SRGAP3: variants seen among roughly 807,000 people sequenced by gnomAD.
SRGAP3 encodes SLIT-ROBO Rho GTPase activating protein 3.
In SRGAP3, 39 loss-of-function variants were observed where a neutral mutation model predicts 121.1. The observed-to-expected ratio is 0.32, with a 90% CI of 0.25 to 0.42. The LOEUF (loss-of-function observed/expected upper bound fraction) is 0.42, where lower values mean the gene tolerates loss of function less well. Ranked by LOEUF, SRGAP3 falls within the 10% of genes least tolerant of loss-of-function variation. The probability of loss-of-function intolerance (pLI) is 1.00; values close to 1 mark genes in which losing one functional copy is unlikely to be tolerated. For synonymous variants in SRGAP3, 601 were observed against 570.0 expected (o/e 1.05, Z -0.77); for missense variants, 1,213 against 1,470.6 (o/e 0.82, Z 2.86).
chr3:9,339,939 A>G (rs1208272340), intron 1 of SRGAP3, among the ~76,000 whole-genome samples: 1 of 152,206 alleles, frequency 6.6e-6, no homozygotes, highest in African/African-American at 2.4e-5. Flanking sequence ...CTGGAGTGAC[A>G]GGATCATTAT....
At chr3:9,049,518 C>T (rs769476832) in intron 9 of SRGAP3, 42 of 455,870 alleles carry the variant, frequency 9.2e-5, no homozygotes, top group Non-Finnish European at 3.5e-5. Flanking sequence ...TCACTGGGTA[C>T]CTCGGGCAGA....
intron 3 of SRGAP3, among the ~76,000 whole-genome samples, chr3:9,258,321 A>C (rs1194793674): frequency 6.6e-6 from 1 of 152,180 alleles, no homozygotes; most frequent in Non-Finnish European, 1.5e-5. Context: ...AGGGAACTGC[A>C]TGAGCCAAGG....
chr3:9,225,850 C>T (rs1042411834), intron 1 of SRGAP3, among the ~76,000 whole-genome samples: 4 of 152,216 alleles, frequency 2.6e-5, no homozygotes, highest in Admixed American at 1.3e-4. Flanking sequence ...GAAGGGCAAT[C>T]GGTGCTCATC....
chr3:9,173,157 A>C (rs1336619387), intron 1 of SRGAP3, among the ~76,000 whole-genome samples: 1 of 152,152 alleles, frequency 6.6e-6, no homozygotes, highest in Non-Finnish European at 1.5e-5. Context: ...GGCGCTTCCC[A>C]CACTCCCTGC....
chr3:9,157,523 A>G (rs916294484), intron 1 of SRGAP3, among the ~76,000 whole-genome samples: 1 of 152,244 alleles, frequency 6.6e-6, no homozygotes, highest in African/African-American at 2.4e-5. Context: ...GGTACTGTCT[A>G]AGCACTTTAC....
intron 3 of SRGAP3, among the ~76,000 whole-genome samples, chr3:9,267,854 G>A (rs905776548): frequency 6.6e-6 from 1 of 152,168 alleles, no homozygotes; most frequent in Non-Finnish European, 1.5e-5. Context: ...CCCCAACAAG[G>A]TGCCGTTTTC....
intron 1 of SRGAP3, among the ~76,000 whole-genome samples, chr3:9,208,634 T>C (rs1952343778): frequency 6.6e-6 from 1 of 152,188 alleles, no homozygotes; most frequent in Non-Finnish European, 1.5e-5. Flanking sequence ...CTGGGGATCT[T>C]GTCCTTTTCT....
At chr3:9,336,107 A>G (rs1032890525) in intron 1 of SRGAP3, among the ~76,000 whole-genome samples, 5 of 152,072 alleles carry the variant, frequency 3.3e-5, no homozygotes, top group Admixed American at 1.3e-4. Flanking sequence ...TTGAACTTCA[A>G]ATATACCAGT....
In SRGAP3 at chr3:8,985,331, G is replaced by A. The variant is rs1941620784; in HGVS notation, c.*188C>T. On this transcript the variant is annotated 3_prime_UTR_variant, in exon 22 of 22. Transcript: ENST00000383836. This position sits in a 1 kb window ranked among gnomAD's most constrained non-coding sequence, Gnocchi z 5.1. Reference sequence around the variant, plus strand: ...TCGTCTGTTGACACGCGAGAGGTCCGTGGGATTCCCATGGCTGGACGTGAG... The same window carrying A: ...TCGTCTGTTGACACGCGAGAGGTCCATGGGATTCCCATGGCTGGACGTGAG... 1 of 1,291,410 alleles carries A rather than the reference G, an allele frequency of 7.7e-7. No individual in the cohort carries two copies. The highest frequency in any genetic ancestry group is 3.1e-5 in the Admixed American group (1 of 32,542). 80.0% of individuals were successfully genotyped at this position (1,291,410 alleles called of 1,614,324 possible).
At chr3:9,340,673 T>C (rs937938121) in intron 1 of SRGAP3, among the ~76,000 whole-genome samples, 2 of 152,196 alleles carry the variant, frequency 1.3e-5, no homozygotes, top group Non-Finnish European at 2.9e-5. Context: ...GTTTTTTTAC[T>C]TGCTGGGAAG....
rs780292667 is a variant in SRGAP3, at chr3:9,302,665, T to C, written n.442+23345A>G. Among the ~76,000 whole-genome samples the C allele has an allele frequency of 2.6e-5, 4 of 152,194 alleles. No homozygotes were observed. In the East Asian group the frequency reaches 5.8e-4, roughly 22 times the overall value. Reference sequence around the variant, plus strand: ...AGAGCTTAGACACGCTCAAAACCCCTGCTGGCTGTAGAACGCCAGGTTCTT... The same window carrying C: ...AGAGCTTAGACACGCTCAAAACCCCCGCTGGCTGTAGAACGCCAGGTTCTT... On this transcript the variant is annotated intron_variant and non_coding_transcript_variant, in intron 3 of 3. Coordinates refer to the SRGAP3 transcript ENST00000490889.
intron 3 of SRGAP3, among the ~76,000 whole-genome samples, chr3:9,096,937 G>GTGTGTATA (rs1186683940): frequency 1.6e-5 from 1 of 61,300 alleles, no homozygotes; most frequent in African/African-American, 4.7e-5. Flanking sequence ...ACATTATTTT[G>GTGTGTATA]TATATATATA....
At chr3:9,339,306 C>T (rs1955743441) in intron 1 of SRGAP3, among the ~76,000 whole-genome samples, 2 of 152,216 alleles carry the variant, frequency 1.3e-5, no homozygotes. Flanking sequence ...GTCTTGAGCA[C>T]TCTCACAGTG....
At chr3:9,353,623 C>G (rs192748271) in intron 1 of SRGAP3, among the ~76,000 whole-genome samples, 3 of 152,332 alleles carry the variant, frequency 2.0e-5, no homozygotes, top group Admixed American at 6.5e-5. Context: ...AGTAAATAAG[C>G]CTCTGCTTGC....
intron 1 of SRGAP3, among the ~76,000 whole-genome samples, chr3:9,354,793 A>G (rs918479333): frequency 2.0e-5 from 3 of 152,102 alleles, no homozygotes; most frequent in South Asian, 2.1e-4. Context: ...TTGTGTCACT[A>G]TATCTGATAT....
At chr3:9,199,182 T>G (rs2125153415) in intron 1 of SRGAP3, among the ~76,000 whole-genome samples, 1 of 152,306 alleles carries the variant, frequency 6.6e-6, no homozygotes, top group East Asian at 1.9e-4. Flanking sequence ...CAGAGTTACT[T>G]AATTCTGCAT....
At chr3:9,137,116 GT>G (rs1949693391) in intron 1 of SRGAP3, among the ~76,000 whole-genome samples, 1 of 152,160 alleles carries the variant, frequency 6.6e-6, no homozygotes, top group Non-Finnish European at 1.5e-5. Context: ...CCACAGAGAG[GT>G]GAAATGACAT....
intron 1 of SRGAP3, among the ~76,000 whole-genome samples, chr3:9,207,332 G>A (rs1018411584): frequency 2.0e-5 from 3 of 152,148 alleles, no homozygotes; most frequent in Non-Finnish European, 2.9e-5. Context: ...CAAAGAAAGA[G>A]AGTGCTTTGG....
chr3:9,362,547 A>G (rs1328806430), intron 1 of SRGAP3, among the ~76,000 whole-genome samples: 1 of 151,996 alleles, frequency 6.6e-6, no homozygotes, highest in African/African-American at 2.4e-5. Context: ...TAGGAGGGCT[A>G]GACAGAAGAA....
Sources: gnomAD v4.1 joint callset for allele counts (sites outside exome capture counted in the v4.1 genomes callset) on GRCh38, gnomAD v4.1.1 for gene constraint, Gnocchi (gnomAD v3.1) non-coding constraint, MANE v1.5 for transcripts, NCBI Gene and HGNC (gene_info 2026-07-23, HGNC 2026-07-21) for gene names.